The following FBXO11 variants were observed in gnomAD, a reference collection of about 807,000 sequenced individuals.
FBXO11 encodes F-box only protein 11.
A neutral mutation model predicts 117.0 loss-of-function variants in FBXO11; 13 were observed. The ratio of observed to expected loss-of-function variants is 0.11; its 90% CI spans 0.07 to 0.18. The LOEUF is 0.18. Ranked by LOEUF, FBXO11 falls within the 10% of genes least tolerant of loss-of-function variation. The pLI is 1.00. For synonymous variants in FBXO11, 490 were observed against 380.5 expected, an observed-to-expected ratio of 1.29 and a Z score of -3.35; for missense variants, 767 against 1,164.4, an observed-to-expected ratio of 0.66 and a Z score of 4.97.
At chr2:47,852,296 C>T (rs1014618500) in intron 1 of FBXO11, among the ~76,000 whole-genome samples, 1 of 152,060 alleles carries the variant, frequency 6.6e-6, no homozygotes, top group African/African-American at 2.4e-5. Flanking sequence ...GGCCAGCAAC[C>T]ATTTTATTGA....
Position 47,900,137 on chromosome 2 carries a change from G to A in FBXO11, c.232+5352C>T, listed in dbSNP as rs116658961. On this transcript the variant is annotated intron_variant, in intron 1 of 22. Transcript: ENST00000403359. ...TAGGCCTTATCAGCAGAGCTCTTAG[G>A]CCTCATCAGCACAACTTTAACACTA... Among the ~76,000 whole-genome samples the A allele has an allele frequency of 6.0e-3, 918 of 152,142 alleles. 3 individuals carry two copies. The highest frequency in any genetic ancestry group is 9.0e-3 in the Non-Finnish European group (612 of 68,000).
At position 47,824,742 on chromosome 2, in the gene FBXO11, A is replaced by G. The variant is rs1671623578; in HGVS notation, c.1399-1382T>C. On this transcript the variant is annotated intron_variant, in intron 11 of 22. Transcript: ENST00000403359. Reference sequence around the variant, plus strand: ...GATTATGAGTGGTGGAATTATGGATAATTATGTGTTTCTTCATACTTTGAA... The same window carrying G: ...GATTATGAGTGGTGGAATTATGGATGATTATGTGTTTCTTCATACTTTGAA... Among the ~76,000 whole-genome samples, 3 of 152,096 alleles carry G rather than the reference A, an allele frequency of 2.0e-5. No individual in the cohort carries two copies. In the South Asian group the frequency reaches 6.2e-4, roughly 31 times the overall value.
intron 1 of FBXO11, among the ~76,000 whole-genome samples, chr2:47,879,070 T>C (rs898502699): frequency 6.6e-6 from 1 of 152,172 alleles, no homozygotes. Flanking sequence ...GTCCATCCTT[T>C]CCAAGTTTGT....
intron 1 of FBXO11, among the ~76,000 whole-genome samples, chr2:47,902,123 A>G (rs1324966305): frequency 6.6e-6 from 1 of 152,128 alleles, no homozygotes; most frequent in African/African-American, 2.4e-5. Flanking sequence ...TCTAGTTAAG[A>G]CGAGGTTTCA....
At chr2:47,836,665 A>G (rs1206765170) in intron 4 of FBXO11, among the ~76,000 whole-genome samples, 1 of 151,926 alleles carries the variant, frequency 6.6e-6, no homozygotes, top group Non-Finnish European at 1.5e-5. Context: ...GCGTATGAAA[A>G]TTTGTCCACA....
rs752266773 is a variant in FBXO11, at chr2:47,809,653, T to C, written c.2393A>G (p.Asn798Ser). The stretch of plus-strand genomic sequence containing the variant: ...TAAAAATAAGCCTCCAAACCGGTTG[T>C]TAAAAATCTGATTGCCTTCTAGTGT... ...TATLEGNQIFNNRFGGLFLAS... is the reference protein window; with the variant it reads ...TATLEGNQIFSNRFGGLFLAS... The change falls in exon 20 of 23, where the codon AAC (asparagine) becomes AGC (serine). Residue 798 changes from asparagine (N) to serine (S), a missense_variant. Transcript: ENST00000403359. The C allele has an allele frequency of 1.2e-6, 2 of 1,613,654 alleles. No individual in the cohort carries two copies. The highest frequency in any genetic ancestry group is 1.7e-6 in the Non-Finnish European group (2 of 1,179,860).
In FBXO11 at chr2:47,905,961, C is replaced by G. The variant is rs1678784580; in HGVS notation, c.-241G>C. ...GGGAGGGCCTGACGCACGGGGAAGGCCGAAGCCGCCGGGCGGGGCGGCCGC... is the reference window on the plus strand; with the variant it reads ...GGGAGGGCCTGACGCACGGGGAAGGGCGAAGCCGCCGGGCGGGGCGGCCGC... On this transcript the variant is annotated 5_prime_UTR_variant, in exon 1 of 23. Coordinates refer to ENST00000403359, the MANE Select transcript of FBXO11 (RefSeq NM_001190274.2). 1 of 423,096 alleles carries G rather than the reference C, an allele frequency of 2.4e-6. No homozygotes were observed. The highest frequency in any genetic ancestry group is 4.2e-6 in the Non-Finnish European group (1 of 239,326). 26.2% of individuals were successfully genotyped at this position (423,096 alleles called of 1,614,324 possible).
chr2:47,904,581 A>AACACACACAC (rs112758707), intron 1 of FBXO11, among the ~76,000 whole-genome samples: 43 of 147,688 alleles, frequency 2.9e-4, no homozygotes, highest in South Asian at 2.0e-3. Flanking sequence ...CGCGCGCGCA[A>AACACACACAC]ACACACACAC....
intron 11 of FBXO11, among the ~76,000 whole-genome samples, chr2:47,828,948 T>G (rs988663807): frequency 1.3e-3 from 203 of 152,314 alleles, no homozygotes; most frequent in African/African-American, 4.8e-3. Context: ...GTCTCACTCC[T>G]CTGTCGCCCA....
chr2:47,894,059 T>C (rs1397279417), intron 1 of FBXO11, among the ~76,000 whole-genome samples: 1 of 152,186 alleles, frequency 6.6e-6, no homozygotes. Context: ...TTCAATCAAG[T>C]AGTTCCTGAT....
chr2:47,889,489 G>A (rs960069332), intron 1 of FBXO11, among the ~76,000 whole-genome samples: 1 of 152,098 alleles, frequency 6.6e-6, no homozygotes, highest in Admixed American at 6.5e-5. Context: ...AAGATGGTCC[G>A]ACAACTTATC....
chr2:47,831,933 C>T (rs931738726), intron 11 of FBXO11, among the ~76,000 whole-genome samples: 1 of 152,124 alleles, frequency 6.6e-6, no homozygotes, highest in African/African-American at 2.4e-5. Context: ...TCAAAGTATA[C>T]TCTACAAACT....
chr2:47,834,034 A>C (rs1435613484), intron 7 of FBXO11, among the ~76,000 whole-genome samples: 1 of 152,168 alleles, frequency 6.6e-6, no homozygotes, highest in Non-Finnish European at 1.5e-5. Context: ...ACTCAAGGCA[A>C]ATGGAGAAAG....
chr2:47,809,684 T>C lies in FBXO11; in HGVS notation c.2362A>G (p.Thr788Ala), dbSNP rs763988532. Reference sequence around the variant, plus strand: ...ATCTGATTGCCTTCTAGTGTTGCAGTTGCGTGATTTGTAATTTCAATACCT... The same window carrying C: ...ATCTGATTGCCTTCTAGTGTTGCAGCTGCGTGATTTGTAATTTCAATACCT... ...AAGIEITNHA[T>A]ATLEGNQIFN... Residue 788 changes from threonine (T) to alanine (A), a missense_variant, in exon 20 of 23, where the codon ACT (threonine) becomes GCT (alanine). Around this residue, in one of 10 missense-constraint regions of FBXO11, gnomAD observed 66 missense variants for 82.7 expected, o/e 0.80. Coordinates refer to ENST00000403359, the MANE Select transcript of FBXO11 (RefSeq NM_001190274.2). 1.2e-6 allele frequency: 2 copies of C among 1,613,320 alleles called. No individual in the cohort carries two copies. Among genetic ancestry groups the C allele is most frequent in the South Asian group, 2.2e-5 (2 of 91,038 alleles).
intron 1 of FBXO11, among the ~76,000 whole-genome samples, chr2:47,886,248 T>C (rs1239139729): frequency 1.3e-5 from 2 of 152,162 alleles, no homozygotes; most frequent in African/African-American, 2.4e-5. Flanking sequence ...TGCCTCACGC[T>C]GTAATCCCAG....
At chr2:47,869,596 A>C (rs1675463644) in intron 1 of FBXO11, among the ~76,000 whole-genome samples, 1 of 152,220 alleles carries the variant, frequency 6.6e-6, no homozygotes, top group African/African-American at 2.4e-5. Flanking sequence ...TTATCCCACC[A>C]GGTAAAGATC....
Position 47,833,089 on chromosome 2 carries a change from A to G in FBXO11, c.935-19T>C. On this transcript the variant is annotated intron_variant, in intron 7 of 22. Coordinates refer to ENST00000403359, the MANE Select transcript of FBXO11 (RefSeq NM_001190274.2). ...CCAGGTGCTGTGGAGAAGATATTTTAAAGAATATTACCTTTATTCGATTTC... is the reference window on the plus strand; with the variant it reads ...CCAGGTGCTGTGGAGAAGATATTTTGAAGAATATTACCTTTATTCGATTTC... 6.6e-7 allele frequency: 1 copy of G among 1,521,986 alleles called. No individual in the cohort carries two copies. The highest frequency in any genetic ancestry group is 9.1e-7 in the Non-Finnish European group (1 of 1,098,084). The allele number at this position is 1,521,986 out of a possible 1,614,324, so 94.3% of individuals were successfully genotyped here. A position where few individuals can be genotyped will look rare whatever the true frequency, so the allele number is the denominator to read the frequency against.
intron 1 of FBXO11, among the ~76,000 whole-genome samples, chr2:47,845,474 A>G (rs1488328276): frequency 3.3e-5 from 5 of 152,220 alleles, no homozygotes; most frequent in Non-Finnish European, 5.9e-5. Flanking sequence ...AATCAAGTAC[A>G]GTGCCAGAAG....
chr2:47,858,672 ACT>A (rs1402515323), intron 1 of FBXO11, among the ~76,000 whole-genome samples: 3 of 131,404 alleles, frequency 2.3e-5, no homozygotes, highest in African/African-American at 9.1e-5. Context: ...ACAGAGTGAG[ACT>A]CTGCCTCAAA....
Sources: allele counts gnomAD v4.1 joint callset (sites outside exome capture counted in the v4.1 genomes callset), GRCh38; gene constraint gnomAD v4.1.1; regional missense constraint gnomAD v4.1.1; transcripts MANE v1.5; gene names NCBI Gene and HGNC (gene_info 2026-07-23, HGNC 2026-07-21).